Variants in AK9 observed in about 807,000 individuals in gnomAD.
AK9 encodes the protein adenylate kinase domain containing 1.
AK9 carries 191 observed loss-of-function variants against 239.6 expected under a neutral mutation model. That is an observed-to-expected ratio of 0.80 (90% CI 0.71 to 0.90). The LOEUF (loss-of-function observed/expected upper bound fraction) is 0.90, where lower values mean the gene tolerates loss of function less well. AK9 is among the 40% of genes least tolerant of loss of function. The probability of loss-of-function intolerance (pLI) is 0.00; values close to 1 mark genes in which losing one functional copy is unlikely to be tolerated. For missense variants in AK9, 1,995 were observed against 2,214.7 expected, an observed-to-expected ratio of 0.90 and a Z score of 1.99; for synonymous variants, 689 against 721.0, an observed-to-expected ratio of 0.96 and a Z score of 0.71.
intron 12 of AK9, among the ~76,000 whole-genome samples, chr6:109,620,197 T>C (rs375423616): frequency 6.6e-6 from 1 of 152,164 alleles, no homozygotes; most frequent in Admixed American, 6.6e-5. Context: ...CTGGGTCATA[T>C]GGTAAGTGTG....
chr6:109,632,758 C>G, intron 12 of AK9, 165 bp downstream of exon 12: 1 of 1,350,116 alleles, frequency 7.4e-7, no homozygotes, highest in South Asian at 1.7e-5. Context: ...TACCCTACCC[C>G]AAGCCCAGTG....
intron 12 of AK9, among the ~76,000 whole-genome samples, chr6:109,626,304 C>T (rs1369179269): frequency 1.3e-5 from 2 of 152,096 alleles, no homozygotes; most frequent in African/African-American, 2.4e-5. Flanking sequence ...CATTTCAGGG[C>T]CAGTTTCTAT....
chr6:109,506,670 T>C lies in AK9; in HGVS notation c.4612A>G (p.Lys1538Glu). 3 of 1,530,766 alleles carry C rather than the reference T, an allele frequency of 2.0e-6. No homozygotes were observed. Among genetic ancestry groups the C allele is most frequent in the Non-Finnish European group, 2.6e-6 (3 of 1,133,900 alleles). 94.8% of individuals were successfully genotyped at this position (1,530,766 alleles called of 1,614,324 possible). A position where few individuals can be genotyped will look rare whatever the true frequency, so the allele number is the denominator to read the frequency against. ...KEIFKRLLLE[K>E]ENEQRLPYPL... ...GTACATTACCTTTGTTCATTTTCTT[T>C]TTCTAGGAGCAATCTTTTGAAAATC... Residue 1538 changes from lysine (K) to glutamate (E), a missense_variant, in exon 34 of 41, where the codon AAA (lysine) becomes GAA (glutamate). By Grantham distance (56) the Lys-to-Glu change is moderately conservative. This residue lies in a region of AK9 where 391 missense variants were observed against 456.0 expected (regional missense o/e 0.86). Transcript: ENST00000424296.
Position 109,585,987 on chromosome 6 carries a change from A to G in AK9, c.1928T>C (p.Leu643Ser). Residue 643 changes from leucine to serine, a missense_variant, in exon 18 of 41, where the codon TTG becomes TCG. Coordinates refer to ENST00000424296, the MANE Select transcript of AK9 (RefSeq NM_001145128.3). Reference protein sequence around the residue: ...IVDNCPIVKELWMALIKKGII... With the variant: ...IVDNCPIVKESWMALIKKGII... Reference sequence around the variant, plus strand: ...TCCTTTCTTGATTAAGGCCATCCACAATTCTTTTACAATAGGGCAGTTGTC... The same window carrying G: ...TCCTTTCTTGATTAAGGCCATCCACGATTCTTTTACAATAGGGCAGTTGTC... 6.4e-7 allele frequency: 1 copy of G among 1,551,556 alleles called. No individual in the cohort carries two copies. The highest frequency in any genetic ancestry group is 8.7e-7 in the Non-Finnish European group (1 of 1,146,922).
chr6:109,659,361 T>C lies in AK9; in HGVS notation c.497A>G (p.Asn166Ser), dbSNP rs1800122519. Reference sequence around the variant, plus strand: ...GTCTCTACTGTATATGTATCCCGTATTATTGTGCTGTCTTTGCCCAGAAAT... The same window carrying C: ...GTCTCTACTGTATATGTATCCCGTACTATTGTGCTGTCTTTGCCCAGAAAT... ...QRISGQRQHN[N>S]TGYIYSRDQW... Residue 166 changes from asparagine (N) to serine (S), a missense_variant, in exon 7 of 41, where the codon AAT becomes AGT. Physicochemically the swap from Asn to Ser is conservative, Grantham distance 46. Around this residue, in one of 5 missense-constraint regions of AK9, gnomAD observed 252 missense variants for 246.4 expected, o/e 1.02. Coordinates refer to ENST00000424296, the MANE Select transcript of AK9 (RefSeq NM_001145128.3). 4.3e-6 allele frequency: 7 copies of C among 1,612,268 alleles called. No individual in the cohort carries two copies. The Admixed American group carries it at 5.0e-5, about 12-fold the overall frequency.
intron 26 of AK9, among the ~76,000 whole-genome samples, chr6:109,544,302 T>C (rs1783253047): frequency 6.6e-6 from 1 of 152,200 alleles, no homozygotes; most frequent in South Asian, 2.1e-4. Context: ...AGAACTTTCA[T>C]TGTATAACTC....
At chr6:109,639,361 G>C (rs1347968921) in intron 10 of AK9, among the ~76,000 whole-genome samples, 1 of 152,160 alleles carries the variant, frequency 6.6e-6, no homozygotes, top group African/African-American at 2.4e-5. Flanking sequence ...GTGTGAGATG[G>C]TATCTCATTG....
At chr6:109,619,917 A>T (rs867172709) in intron 12 of AK9, among the ~76,000 whole-genome samples, 1 of 152,306 alleles carries the variant, frequency 6.6e-6, no homozygotes, top group African/African-American at 2.4e-5. Context: ...AAATGAAAGC[A>T]TACAGTATGT....
At chr6:109,563,943 G>T in intron 23 of AK9, 137 bp downstream of exon 23, 1 of 1,056,888 alleles carries the variant, frequency 9.5e-7, no homozygotes, top group Non-Finnish European at 1.3e-6. Context: ...AGTGATAGTT[G>T]CTAAGTATTT....
At chr6:109,574,202 A>G (rs1177523258) in intron 20 of AK9, among the ~76,000 whole-genome samples, 1 of 152,166 alleles carries the variant, frequency 6.6e-6, no homozygotes, top group Admixed American at 6.6e-5. Flanking sequence ...TCAATATATT[A>G]AATGTAAATA....
intron 8 of AK9, among the ~76,000 whole-genome samples, chr6:109,645,940 C>T (rs1798004671): frequency 6.6e-6 from 1 of 152,198 alleles, no homozygotes; most frequent in Admixed American, 6.5e-5. Flanking sequence ...GATACCCAGG[C>T]AAACAGGGTA....
intron 23 of AK9, 77 bp from the exon 24 acceptor site, chr6:109,563,789 G>A: frequency 7.1e-7 from 1 of 1,399,446 alleles, no homozygotes; most frequent in Non-Finnish European, 9.6e-7. Context: ...GTCAAATGTT[G>A]GGAAAATTGA....
chr6:109,573,561 T>C lies in AK9; in HGVS notation c.2225A>G (p.Glu742Gly). 1 of 1,550,422 alleles carries C rather than the reference T, an allele frequency of 6.4e-7. No homozygotes were observed. The highest frequency in any genetic ancestry group is 8.7e-7 in the Non-Finnish European group (1 of 1,146,392). Residue 742 changes from glutamate (E) to glycine (G), a missense_variant, in exon 21 of 41, where the codon GAG becomes GGG. By Grantham distance (98) the Glu-to-Gly change is moderately conservative (BLOSUM62 -2). Coordinates refer to ENST00000424296, the MANE Select transcript of AK9 (RefSeq NM_001145128.3). ...AACTTCCAACTCATCACCTTCAATC[T>C]CCTCTTCATCCTCATTATCAGTCTC... ...AEETDNEDEE[E>G]IEGDELEVHE...
At chr6:109,658,257 T>C (rs1799965588) in intron 7 of AK9, among the ~76,000 whole-genome samples, 1 of 152,194 alleles carries the variant, frequency 6.6e-6, no homozygotes, top group Non-Finnish European at 1.5e-5. Flanking sequence ...GCTACCATTC[T>C]TCTCTCCCTA....
intron 1 of AK9, among the ~76,000 whole-genome samples, chr6:109,684,324 G>A (rs916941464): frequency 6.6e-6 from 1 of 152,110 alleles, no homozygotes; most frequent in East Asian, 1.9e-4. Context: ...ATACCATTAA[G>A]GACATAGGCA....
rs190273856 is a variant in AK9, at chr6:109,603,557, T to G, written c.1842+6808A>C. ...AGGAGGCAGTCTGTCCGTTCTGAGA[T>G]CTGAAACTCTGTGCTGGGAGAACCA... On this transcript the variant is annotated intron_variant, in intron 17 of 40. Transcript: ENST00000424296. 1.2e-3 allele frequency among the ~76,000 whole-genome samples: 186 copies of G among 152,274 alleles called. 1 individual carries two copies. Among genetic ancestry groups the G allele is most frequent in the African/African-American group, 4.2e-3 (176 of 41,566 alleles).
chr6:109,604,215 G>A (rs374005767), intron 17 of AK9, among the ~76,000 whole-genome samples: 8 of 152,124 alleles, frequency 5.3e-5, no homozygotes, highest in Admixed American at 1.3e-4. Flanking sequence ...TCTTGGAACC[G>A]CCGTGTAAAT....
At chr6:109,562,476 AT>A (rs1237540649) in intron 24 of AK9, among the ~76,000 whole-genome samples, 51 of 152,304 alleles carry the variant, frequency 3.3e-4, no homozygotes, top group African/African-American at 1.2e-3. Context: ...ATTTCAGTTG[AT>A]TACTTTTTCT....
At chr6:109,642,699 A>AG (rs1470574523) in intron 9 of AK9, among the ~76,000 whole-genome samples, 1 of 152,066 alleles carries the variant, frequency 6.6e-6, no homozygotes, top group African/African-American at 2.4e-5. Flanking sequence ...GTGGGATGTG[A>AG]GAAAAAAAAA....
Sources: gnomAD v4.1 joint callset for allele counts (sites outside exome capture counted in the v4.1 genomes callset) on GRCh38, gnomAD v4.1.1 for gene constraint, gnomAD v4.1.1 regional missense constraint, MANE v1.5 for transcripts, NCBI Gene and HGNC (gene_info 2026-07-23, HGNC 2026-07-21) for gene names.